The following PARD3B variants were observed in gnomAD, a reference collection of about 807,000 sequenced individuals.
PARD3B encodes the protein partitioning defective 3 homolog B.
Under a neutral mutation model 130.2 loss-of-function variants are expected in PARD3B, and 103 were observed. The observed-to-expected ratio is 0.79, with a 90% CI of 0.67 to 0.93. The LOEUF (loss-of-function observed/expected upper bound fraction) is 0.93, where lower values mean the gene tolerates loss of function less well. PARD3B is among the 40% of genes least tolerant of loss of function. The pLI is 0.00. For synonymous variants in PARD3B, 583 were observed against 553.2 expected (o/e 1.05, Z -0.76); for missense variants, 1,609 against 1,499.2 (o/e 1.07, Z -1.21).
At chr2:205,477,483 C>T (rs2049065353) in intron 20 of PARD3B, among the ~76,000 whole-genome samples, 1 of 152,032 alleles carries the variant, frequency 6.6e-6, no homozygotes, top group Admixed American at 6.6e-5. Context: ...CTAAATGTCT[C>T]CTGTGAAGAG....
chr2:205,549,841 T>C (rs2052539907), intron 21 of PARD3B, among the ~76,000 whole-genome samples: 1 of 152,186 alleles, frequency 6.6e-6, no homozygotes, highest in South Asian at 2.1e-4. Flanking sequence ...AGCACACTGG[T>C]GGGCATGCGG....
chr2:205,054,406 A>AGAG (rs1699454862), intron 4 of PARD3B, among the ~76,000 whole-genome samples: 1 of 29,336 alleles, frequency 3.4e-5, no homozygotes, highest in Non-Finnish European at 6.9e-5. Flanking sequence ...CATGTCTTTT[A>AGAG]TATATATATA....
intron 10 of PARD3B, among the ~76,000 whole-genome samples, chr2:205,154,047 A>G (rs1405534622): frequency 6.6e-6 from 1 of 152,140 alleles, no homozygotes. Flanking sequence ...TAGACAAATG[A>G]GATCTAATTA....
intron 2 of PARD3B, among the ~76,000 whole-genome samples, chr2:204,883,444 T>TA (rs1231805904): frequency 0.08 from 7,696 of 96,322 alleles, 397 homozygotes; most frequent in Non-Finnish European, 0.12. Flanking sequence ...AATATATATA[T>TA]ATATATATAT....
intron 2 of PARD3B, among the ~76,000 whole-genome samples, chr2:204,941,519 C>A (rs907000191): frequency 1.3e-5 from 2 of 152,184 alleles, no homozygotes; most frequent in Non-Finnish European, 2.9e-5. Context: ...GACTTCCTAG[C>A]AGGATTAGAT....
chr2:205,510,643 C>G (rs1187136140), intron 21 of PARD3B, among the ~76,000 whole-genome samples: 3 of 152,210 alleles, frequency 2.0e-5, no homozygotes, highest in Non-Finnish European at 4.4e-5. Flanking sequence ...ATGCTAAAAT[C>G]AAAGACCAGA....
chr2:205,307,919 C>T (rs549670599), intron 18 of PARD3B, among the ~76,000 whole-genome samples: 7 of 152,168 alleles, frequency 4.6e-5, no homozygotes, highest in Non-Finnish European at 8.8e-5. Flanking sequence ...GTTCAGATTC[C>T]CTTATCTACA....
At chr2:204,931,307 G>A (rs1388296921) in intron 2 of PARD3B, among the ~76,000 whole-genome samples, 1 of 152,056 alleles carries the variant, frequency 6.6e-6, no homozygotes, top group Non-Finnish European at 1.5e-5. Context: ...AATAATCATA[G>A]CATGTACTAT....
intron 16 of PARD3B, among the ~76,000 whole-genome samples, chr2:205,286,313 T>C (rs1341114978): frequency 6.6e-6 from 1 of 152,154 alleles, no homozygotes. Context: ...TTAATAGATA[T>C]ATATAAGAAT....
chr2:204,636,453 A>AGTGTGTGTGTGTGTGTGTGT (rs10596741), intron 1 of PARD3B, among the ~76,000 whole-genome samples: 1 of 139,396 alleles, frequency 7.2e-6, no homozygotes, highest in Non-Finnish European at 1.6e-5. Context: ...AGGTCAGGTG[A>AGTGTGTGTGTGTGTGTGTGT]GTGTGTGTGT....
At chr2:205,210,780 A>G (rs2037586981) in intron 15 of PARD3B, among the ~76,000 whole-genome samples, 1 of 152,060 alleles carries the variant, frequency 6.6e-6, no homozygotes, top group Non-Finnish European at 1.5e-5. Flanking sequence ...TTACTTTTAA[A>G]ATCACTTCTG....
intron 10 of PARD3B, among the ~76,000 whole-genome samples, chr2:205,141,138 A>G (rs1217422577): frequency 6.6e-6 from 1 of 152,208 alleles, no homozygotes; most frequent in East Asian, 1.9e-4. Flanking sequence ...TTCGGGTCAA[A>G]TAGAGTATAA....
At chr2:204,746,560 G>T (rs1180032568) in intron 2 of PARD3B, among the ~76,000 whole-genome samples, 1 of 152,164 alleles carries the variant, frequency 6.6e-6, no homozygotes, top group Non-Finnish European at 1.5e-5. Context: ...TTGCCACACT[G>T]TCTTCCACAA....
chr2:205,103,829 C>G (rs1280888858), intron 4 of PARD3B: 1 of 776,066 alleles, frequency 1.3e-6, no homozygotes, highest in Non-Finnish European at 1.6e-6. Context: ...GACCCTCTAA[C>G]CTTTCTGTAG....
intron 20 of PARD3B, among the ~76,000 whole-genome samples, chr2:205,447,430 T>A (rs565325140): frequency 1.8e-4 from 28 of 152,316 alleles, no homozygotes; most frequent in African/African-American, 6.0e-4. Context: ...CAGGCTGGAG[T>A]GCAATGGCAC....
In PARD3B at chr2:205,299,561, TTA is replaced by T. The variant is rs1289898796; in HGVS notation, c.2186-954_2186-953del. ...AAGATAATCCTGCTAATATTATATA[TTA>T]TATATATATATATAATATATATATA... On this transcript the variant is annotated intron_variant, in intron 16 of 22. Coordinates refer to ENST00000406610, the MANE Select transcript of PARD3B (RefSeq NM_001302769.2). 3.5e-4 allele frequency among the ~76,000 whole-genome samples: 6 copies of T among 17,254 alleles called. No individual in the cohort carries two copies. In the South Asian group the frequency reaches 0.017, roughly 48 times the overall value. 11.3% of individuals were successfully genotyped at this position (17,254 alleles called of 152,430 possible).
chr2:205,113,374 T>C, intron 5 of PARD3B, 117 bp from the exon 6 acceptor site: 1 of 550,882 alleles, frequency 1.8e-6, no homozygotes, highest in Non-Finnish European at 3.1e-6. Flanking sequence ...TTGTATTAGT[T>C]GATATAATCC....
chr2:205,226,546 G>T (rs1330498180), intron 15 of PARD3B, among the ~76,000 whole-genome samples: 1 of 152,100 alleles, frequency 6.6e-6, no homozygotes, highest in Non-Finnish European at 1.5e-5. Flanking sequence ...TATGGTGAGA[G>T]ATAAGAGTCT....
intron 18 of PARD3B, among the ~76,000 whole-genome samples, chr2:205,370,465 T>C (rs2044769070): frequency 6.6e-6 from 1 of 152,184 alleles, no homozygotes; most frequent in Non-Finnish European, 1.5e-5. Flanking sequence ...ACCCATATCC[T>C]GGACCAGTTC....
Sources: allele counts gnomAD v4.1 joint callset (sites outside exome capture counted in the v4.1 genomes callset), GRCh38; gene constraint gnomAD v4.1.1; transcripts MANE v1.5; gene names NCBI Gene and HGNC (gene_info 2026-07-23, HGNC 2026-07-21).